TTC39B: variants seen among roughly 807,000 people sequenced by gnomAD.
TTC39B encodes the protein tetratricopeptide repeat domain 39B.
A neutral mutation model predicts 96.6 loss-of-function variants in TTC39B; 92 were observed. The observed-to-expected ratio is 0.95, with a 90% CI of 0.80 to 1.13. The LOEUF (loss-of-function observed/expected upper bound fraction) is 1.13, where lower values mean the gene tolerates loss of function less well. TTC39B is among the 50% of genes most tolerant of loss of function. TTC39B has a pLI of 0.00. For synonymous variants in TTC39B, 367 were observed against 299.4 expected (o/e 1.23, Z -2.33); for missense variants, 955 against 809.3 (o/e 1.18, Z -2.18).
chr9:15,278,195 T>A (rs1020664384), intron 1 of TTC39B, among the ~76,000 whole-genome samples: 3 of 152,202 alleles, frequency 2.0e-5, no homozygotes, highest in African/African-American at 7.2e-5. Context: ...CTAAGGTCAG[T>A]ACTTAAAAGA....
chr9:15,266,232 C>T (rs564127512), intron 2 of TTC39B, among the ~76,000 whole-genome samples: 1 of 151,688 alleles, frequency 6.6e-6, no homozygotes, highest in African/African-American at 2.4e-5. Flanking sequence ...AGGTTAATCC[C>T]AATCACAATT....
exon 20 of TTC39B, chr9:15,169,304 A>G (rs975125608): frequency 3.9e-5 from 6 of 152,346 alleles, no homozygotes; most frequent in Middle Eastern, 3.4e-3. Flanking sequence ...ACATTAACAT[A>G]TATGTCCAGA....
intron 6 of TTC39B, among the ~76,000 whole-genome samples, chr9:15,204,912 T>C (rs1564343744): frequency 6.6e-6 from 1 of 152,222 alleles, no homozygotes; most frequent in Admixed American, 6.5e-5. Flanking sequence ...CCAACCATTA[T>C]ACTTGCAGAG....
chr9:15,164,067 T>A (rs1011416835), exon 20 of TTC39B: 2 of 152,218 alleles, frequency 1.3e-5, no homozygotes, highest in Non-Finnish European at 2.9e-5. Flanking sequence ...CTTTGATAGC[T>A]ACAATCAATT....
At chr9:15,287,779 T>C (rs1824026358) in intron 1 of TTC39B, among the ~76,000 whole-genome samples, 1 of 151,842 alleles carries the variant, frequency 6.6e-6, no homozygotes, top group African/African-American at 2.4e-5. Flanking sequence ...ACCCCTTCTC[T>C]ACTAAAAAAT....
chr9:15,241,460 A>G (rs185813856), intron 2 of TTC39B, among the ~76,000 whole-genome samples: 2 of 151,982 alleles, frequency 1.3e-5, no homozygotes, highest in Admixed American at 1.3e-4. Context: ...ATGGTATCAG[A>G]TGTTAAAGCA....
intron 8 of TTC39B, among the ~76,000 whole-genome samples, chr9:15,194,649 G>A (rs903056364): frequency 3.3e-5 from 5 of 152,148 alleles, no homozygotes; most frequent in Non-Finnish European, 5.9e-5. Flanking sequence ...AACAATATGT[G>A]CTCACTTTGT....
exon 20 of TTC39B, chr9:15,171,846 G>T (rs1588828955): frequency 2.3e-6 from 1 of 427,072 alleles, no homozygotes; most frequent in Non-Finnish European, 4.1e-6. Flanking sequence ...CATTCCATAG[G>T]AAAAAAAATT....
At chr9:15,296,601 T>G (rs1207844842) in intron 1 of TTC39B, among the ~76,000 whole-genome samples, 1 of 152,126 alleles carries the variant, frequency 6.6e-6, no homozygotes, top group Non-Finnish European at 1.5e-5. Flanking sequence ...TTCAAGCAAT[T>G]CTCCTGCCTC....
intron 2 of TTC39B, among the ~76,000 whole-genome samples, chr9:15,231,450 T>C (rs1413008911): frequency 6.6e-6 from 1 of 152,246 alleles, no homozygotes; most frequent in Non-Finnish European, 1.5e-5. Flanking sequence ...TAATGACTAA[T>C]AATGTTGAGA....
intron 17 of TTC39B, among the ~76,000 whole-genome samples, chr9:15,178,816 A>G (rs1818096314): frequency 6.6e-6 from 1 of 152,228 alleles, no homozygotes; most frequent in Non-Finnish European, 1.5e-5. Flanking sequence ...GTTGGCTTCA[A>G]TACAGGAGAG....
At chr9:15,262,099 T>C (rs1822968095) in intron 2 of TTC39B, among the ~76,000 whole-genome samples, 1 of 152,050 alleles carries the variant, frequency 6.6e-6, no homozygotes, top group South Asian at 2.1e-4. Context: ...TTTATTTATT[T>C]TATTATTATT....
exon 20 of TTC39B, chr9:15,170,761 C>T (rs1306424527): frequency 6.6e-6 from 1 of 152,178 alleles, no homozygotes. Flanking sequence ...ATTGTCTTTT[C>T]TCACTCTGGA....
At chr9:15,208,215 G>C (rs1195722308) in intron 6 of TTC39B, among the ~76,000 whole-genome samples, 2 of 151,464 alleles carry the variant, frequency 1.3e-5, no homozygotes, top group Non-Finnish European at 2.9e-5. Context: ...AGTAGAGACG[G>C]GGTTTCACCA....
At chr9:15,232,998 G>C (rs997245167) in intron 2 of TTC39B, among the ~76,000 whole-genome samples, 1 of 152,196 alleles carries the variant, frequency 6.6e-6, no homozygotes, top group Non-Finnish European at 1.5e-5. Context: ...CATACACAGA[G>C]AGGATAGGAG....
rs766497263 is a variant in TTC39B at position 15,189,754 on chromosome 9, G to A, written c.1144C>T (p.Leu382=). ...GGAAACTGCTGGAGGAAGGGTGCCA[G>A]GAGACGCTCTGCTTCCGCAACATTC... Residue 382 remains leucine, a synonymous_variant, in exon 12 of 20, where the codon CTG becomes TTG. Coordinates refer to ENST00000512701, the Ensembl canonical transcript of TTC39B. 6.2e-6 allele frequency: 10 copies of A among 1,613,814 alleles called. No homozygotes were observed. The South Asian group carries it at 8.8e-5, about 14-fold the overall frequency.
chr9:15,199,836 A>T (rs751758967), intron 8 of TTC39B, 25 bp downstream of exon 8: 4 of 1,388,622 alleles, frequency 2.9e-6, no homozygotes, highest in African/African-American at 2.9e-5. Context: ...ATTATTTACA[A>T]ACCACATCTT....
intron 1 of TTC39B, among the ~76,000 whole-genome samples, chr9:15,270,255 C>T (rs896950346): frequency 1.3e-5 from 2 of 152,010 alleles, no homozygotes; most frequent in South Asian, 4.1e-4. Context: ...TAATATCATA[C>T]TCCATAAGGG....
At chr9:15,182,966 T>A (rs1228115684) in intron 16 of TTC39B, among the ~76,000 whole-genome samples, 2 of 152,182 alleles carry the variant, frequency 1.3e-5, no homozygotes, top group Non-Finnish European at 2.9e-5. Context: ...AAATGTAAAC[T>A]AATGATTTCT....
Sources: allele counts gnomAD v4.1 joint callset (sites outside exome capture counted in the v4.1 genomes callset), GRCh38; gene constraint gnomAD v4.1.1; transcripts MANE v1.5; gene names NCBI Gene and HGNC (gene_info 2026-07-23, HGNC 2026-07-21).